Variants in STK3 observed in about 807,000 individuals in gnomAD.
STK3 encodes the protein serine/threonine kinase 3.
STK3 carries 41 observed loss-of-function variants against 58.0 expected under a neutral mutation model. The ratio of observed to expected loss-of-function variants is 0.71; its 90% CI spans 0.55 to 0.92. The LOEUF is 0.92. STK3 is among the 40% of genes least tolerant of loss of function. STK3 has a pLI of 0.00. For missense variants in STK3, 479 were observed against 602.7 expected, an observed-to-expected ratio of 0.79 and a Z score of 2.15; for synonymous variants, 170 against 191.0, an observed-to-expected ratio of 0.89 and a Z score of 0.91.
chr8:98,749,253 C>T, intron 4 of STK3, 23 bp downstream of exon 4: 2 of 1,520,734 alleles, frequency 1.3e-6, no homozygotes, highest in Non-Finnish European at 1.8e-6. Flanking sequence ...ATGATATTAG[C>T]AAAACAATTT....
intron 3 of STK3, chr8:98,426,940 G>C (rs1351426819): frequency 6.6e-6 from 1 of 151,664 alleles, no homozygotes; most frequent in Admixed American, 6.6e-5. Context: ...CGAGGCACGC[G>C]GAGCTGTCCG....
At chr8:98,895,564 G>T (rs563564849) in intron 1 of STK3, among the ~76,000 whole-genome samples, 11 of 152,214 alleles carry the variant, frequency 7.2e-5, no homozygotes, top group African/African-American at 2.6e-4. Flanking sequence ...TCTGTTTAGG[G>T]GAAAGGTTTT....
the STK3 span, among the ~76,000 whole-genome samples, chr8:98,356,425 C>T: frequency 2.6e-5 from 4 of 152,128 alleles, no homozygotes; most frequent in South Asian, 2.1e-4. Context: ...CAGCTTAGTT[C>T]GCAAAAGGAC....
chr8:98,575,551 C>T (rs1316304542), intron 8 of STK3, among the ~76,000 whole-genome samples: 4 of 151,684 alleles, frequency 2.6e-5, no homozygotes, highest in Non-Finnish European at 5.9e-5. Flanking sequence ...CACACCACAA[C>T]TGGGCCCTGT....
In STK3 at chr8:98,771,753, TG is replaced by T. The variant is rs377321261; in HGVS notation, c.107+2985del. On this transcript the variant is annotated intron_variant, in intron 2 of 10. Coordinates refer to ENST00000419617, the MANE Select transcript of STK3 (RefSeq NM_006281.4). ...CTAATTTTTGTATTTTTAGTAGAGA[TG>T]GCTACTCTACTAAATGACAATATGG... Among the ~76,000 whole-genome samples, 1,301 of 152,204 alleles carry T rather than the reference TG, an allele frequency of 8.5e-3. 10 individuals carry two copies. The highest frequency in any genetic ancestry group is 0.03 in the African/African-American group (1,226 of 41,534).
chr8:98,769,098 C>A (rs1020917922), intron 2 of STK3, among the ~76,000 whole-genome samples: 1 of 152,232 alleles, frequency 6.6e-6, no homozygotes, highest in Non-Finnish European at 1.5e-5. Flanking sequence ...AACTTCATTA[C>A]TAAATTCTTC....
intron 3 of STK3, among the ~76,000 whole-genome samples, chr8:98,845,690 G>A (rs1836174518): frequency 7.2e-6 from 1 of 139,722 alleles, no homozygotes; most frequent in African/African-American, 2.4e-5. Context: ...TCTTGCAGTT[G>A]CTAATGACAG....
chr8:98,527,318 C>T (rs1348230620), intron 9 of STK3, among the ~76,000 whole-genome samples: 2 of 151,924 alleles, frequency 1.3e-5, no homozygotes, highest in Non-Finnish European at 2.9e-5. Context: ...TGTACATTTT[C>T]AGCTGTAAGA....
chr8:98,851,504 T>C (rs1465926698), intron 3 of STK3, among the ~76,000 whole-genome samples: 2 of 152,128 alleles, frequency 1.3e-5, no homozygotes, highest in African/African-American at 4.8e-5. Flanking sequence ...CTTAATGTAA[T>C]CAACAATTAG....
At chr8:98,549,587 CTGATT>C (rs1586836617) in intron 8 of STK3, among the ~76,000 whole-genome samples, 3 of 152,074 alleles carry the variant, frequency 2.0e-5, no homozygotes. Flanking sequence ...TTGATGAAGT[CTGATT>C]TATCAATTTT....
chr8:98,416,605 A>G (rs1373576604), intron 3 of STK3, among the ~76,000 whole-genome samples: 1 of 151,736 alleles, frequency 6.6e-6, no homozygotes, highest in Non-Finnish European at 1.5e-5. Context: ...TGTGTTCCCC[A>G]CCCCTCCTCT....
intron 1 of STK3, among the ~76,000 whole-genome samples, chr8:98,936,420 C>T (rs1210521478): frequency 2.6e-5 from 4 of 152,068 alleles, no homozygotes; most frequent in African/African-American, 4.8e-5. Context: ...TTCATTATTG[C>T]GTTCCCAGTA....
At chr8:98,552,672 C>G (rs942103661) in intron 8 of STK3, among the ~76,000 whole-genome samples, 1 of 152,142 alleles carries the variant, frequency 6.6e-6, no homozygotes, top group Non-Finnish European at 1.5e-5. Context: ...AAGCCTCCAT[C>G]ATTTTCCATT....
chr8:98,359,156 A>G, the STK3 span, among the ~76,000 whole-genome samples: 1 of 152,050 alleles, frequency 6.6e-6, no homozygotes, highest in East Asian at 1.9e-4. Flanking sequence ...AGCAAAAGCA[A>G]ATATCTTGAC....
Position 98,583,559 on chromosome 8 carries a change from C to T in STK3, c.823-3770G>A, listed in dbSNP as rs189304001. ...CCCAGGAAGCATCAGCACTGTCATCCTCACTGTGGTTTGGATGAAGTACCT... is the reference window on the plus strand; with the variant it reads ...CCCAGGAAGCATCAGCACTGTCATCTTCACTGTGGTTTGGATGAAGTACCT... On this transcript the variant is annotated intron_variant, in intron 7 of 10. Coordinates refer to ENST00000419617, the MANE Select transcript of STK3 (RefSeq NM_006281.4). 3.1e-3 allele frequency among the ~76,000 whole-genome samples: 478 copies of T among 152,276 alleles called. 1 individual carries two copies. The highest frequency in any genetic ancestry group is 0.01 in the African/African-American group (424 of 41,550).
chr8:98,914,662 C>A (rs1462799693), intron 1 of STK3, among the ~76,000 whole-genome samples: 1 of 152,146 alleles, frequency 6.6e-6, no homozygotes, highest in East Asian at 1.9e-4. Context: ...TCTCTTTAAG[C>A]AGAATGGATT....
chr8:98,424,815 C>T (rs560181978), intron 3 of STK3, among the ~76,000 whole-genome samples: 1 of 152,296 alleles, frequency 6.6e-6, no homozygotes, highest in African/African-American at 2.4e-5. Context: ...TAGCCAGGAG[C>T]CAAGGCCAAG....
At chr8:98,597,184 C>A in intron 6 of STK3, 2 of 707,436 alleles carry the variant, frequency 2.8e-6, no homozygotes, top group Non-Finnish European at 3.5e-6. Context: ...TTGCCTATAT[C>A]ATTCTTTTGA....
intron 3 of STK3, among the ~76,000 whole-genome samples, chr8:98,869,227 C>T (rs1837271889): frequency 6.6e-6 from 1 of 152,118 alleles, no homozygotes; most frequent in African/African-American, 2.4e-5. Flanking sequence ...TCGAGGCCAG[C>T]CTGGCCAACA....
Sources: gnomAD v4.1 joint callset for allele counts (sites outside exome capture counted in the v4.1 genomes callset) on GRCh38, gnomAD v4.1.1 for gene constraint, MANE v1.5 for transcripts, NCBI Gene and HGNC (gene_info 2026-07-23, HGNC 2026-07-21) for gene names.